The following STT3B variants were observed in gnomAD, a reference collection of about 807,000 sequenced individuals.
STT3B encodes the protein dolichyl-diphosphooligosaccharide--protein glycosyltransferase subunit STT3B.
STT3B carries 29 observed loss-of-function variants against 96.8 expected under a neutral mutation model. The observed-to-expected ratio is 0.30, with a 90% CI of 0.22 to 0.41. The LOEUF is 0.41. Ranked by LOEUF, STT3B falls within the 10% of genes least tolerant of loss-of-function variation. STT3B has a pLI of 1.00. For synonymous variants in STT3B, 367 were observed against 360.0 expected, an observed-to-expected ratio of 1.02 and a Z score of -0.22; for missense variants, 640 against 1,022.3, an observed-to-expected ratio of 0.63 and a Z score of 5.10.
At chr3:31,559,146 G>GGTGTGTGTGT (rs55707310) in intron 1 of STT3B, among the ~76,000 whole-genome samples, 53 of 116,528 alleles carry the variant, frequency 4.5e-4, no homozygotes, top group African/African-American at 9.9e-4. Context: ...TGATTCTTGG[G>GGTGTGTGTGT]GTGTGTGTGT....
intron 5 of STT3B, among the ~76,000 whole-genome samples, chr3:31,610,774 A>G (rs1699163849): frequency 6.6e-6 from 1 of 152,194 alleles, no homozygotes; most frequent in Non-Finnish European, 1.5e-5. Context: ...GAATAAACAG[A>G]ATAATAATAT....
intron 3 of STT3B, 86 bp from the exon 4 acceptor site, chr3:31,596,712 C>A: frequency 1.0e-6 from 1 of 1,002,890 alleles, no homozygotes; most frequent in Non-Finnish European, 1.6e-6. Context: ...TTTTTGTAGC[C>A]TGTGGTTACC....
intron 12 of STT3B, 80 bp downstream of exon 12, chr3:31,625,165 A>ATT (rs1699509274): frequency 1.6e-6 from 2 of 1,289,102 alleles, no homozygotes; most frequent in Non-Finnish European, 2.1e-6. Context: ...CTAAATAGGA[A>ATT]AAATGTGGGT....
At chr3:31,604,283 G>A (rs9877672) in intron 5 of STT3B, among the ~76,000 whole-genome samples, 14,797 of 151,970 alleles carry the variant, frequency 0.097, 778 homozygotes, top group South Asian at 0.12. Flanking sequence ...TATATATTTT[G>A]TGAATAAAGA....
At chr3:31,561,110 A>G (rs921433438) in intron 1 of STT3B, among the ~76,000 whole-genome samples, 3 of 151,644 alleles carry the variant, frequency 2.0e-5, no homozygotes, top group Non-Finnish European at 2.9e-5. Context: ...CTTTTTTATG[A>G]TATCTACCTC....
At chr3:31,607,206 T>G (rs1411784877) in intron 5 of STT3B, among the ~76,000 whole-genome samples, 1 of 152,130 alleles carries the variant, frequency 6.6e-6, no homozygotes, top group East Asian at 1.9e-4. Context: ...GACTGTGGGT[T>G]TTTGTGTTAA....
At chr3:31,570,770 A>G (rs1698116847) in intron 1 of STT3B, among the ~76,000 whole-genome samples, 1 of 152,170 alleles carries the variant, frequency 6.6e-6, no homozygotes, top group Non-Finnish European at 1.5e-5. Context: ...GAAGATTTGT[A>G]GTCAAGGAGC....
intron 3 of STT3B, among the ~76,000 whole-genome samples, chr3:31,585,704 T>C (rs1035519082): frequency 3.3e-5 from 5 of 152,066 alleles, no homozygotes; most frequent in Non-Finnish European, 5.9e-5. Context: ...TGGGAGTTTC[T>C]TTTTTAGAAT....
At chr3:31,621,412 CTT>C (rs1345885630) in intron 9 of STT3B, among the ~76,000 whole-genome samples, 16 of 152,192 alleles carry the variant, frequency 1.1e-4, no homozygotes, top group East Asian at 9.6e-4. Context: ...GAGATACACA[CTT>C]AAGAATATGA....
chr3:31,581,236 T>G (rs913806046), intron 3 of STT3B, among the ~76,000 whole-genome samples: 1 of 151,762 alleles, frequency 6.6e-6, no homozygotes, highest in African/African-American at 2.4e-5. Flanking sequence ...TTCCTGAGGG[T>G]GGGTGGGTGA....
chr3:31,623,894 A>C, intron 11 of STT3B, 33 bp downstream of exon 11: 1 of 1,486,878 alleles, frequency 6.7e-7, no homozygotes, highest in Non-Finnish European at 9.2e-7. Context: ...AAAACATTTT[A>C]TACTTACACT....
chr3:31,540,668 ATGT>A (rs1445384222), intron 1 of STT3B, among the ~76,000 whole-genome samples: 1 of 152,150 alleles, frequency 6.6e-6, no homozygotes, highest in Non-Finnish European at 1.5e-5. Context: ...TAGATAGATA[ATGT>A]TGTAGCGTAT....
intron 1 of STT3B, among the ~76,000 whole-genome samples, chr3:31,533,938 G>A (rs1044754351): frequency 6.6e-6 from 1 of 152,186 alleles, no homozygotes; most frequent in Non-Finnish European, 1.5e-5. Context: ...GCGTGTTGGA[G>A]GGAAGGAAAT....
Position 31,615,173 on chromosome 3 carries a change from A to G in STT3B, c.946A>G (p.Ile316Val), listed in dbSNP as rs138705864. The change falls in exon 6 of 16, where the codon ATC becomes GTC. Residue 316 changes from isoleucine (I) to valine (V), a missense_variant. Coordinates refer to ENST00000295770, the MANE Select transcript of STT3B (RefSeq NM_178862.3). ...MQIPFVGFQP[I>V]RTSEHMAAAG... ...GATACCTTTTGTGGGATTCCAGCCA[A>G]TCAGAACAAGTGAACACATGGCAGC... 26 of 1,611,092 alleles carry G rather than the reference A, an allele frequency of 1.6e-5. No homozygotes were observed. The highest frequency in any genetic ancestry group is 2.0e-5 in the Non-Finnish European group (24 of 1,177,948).
chr3:31,580,226 A>C, intron 3 of STT3B, 130 bp downstream of exon 3: 3 of 821,724 alleles, frequency 3.7e-6, no homozygotes, highest in Non-Finnish European at 5.7e-6. Flanking sequence ...ACTGTTCATA[A>C]TCAATTTAAT....
chr3:31,577,283 T>G (rs563399515), intron 2 of STT3B, among the ~76,000 whole-genome samples: 1 of 152,202 alleles, frequency 6.6e-6, no homozygotes, highest in African/African-American at 2.4e-5. Context: ...TCTCAGTAAT[T>G]TTCAACTTTT....
chr3:31,539,524 C>T (rs1335777085), intron 1 of STT3B, among the ~76,000 whole-genome samples: 1 of 152,136 alleles, frequency 6.6e-6, no homozygotes, highest in African/African-American at 2.4e-5. Flanking sequence ...CCTCCAGGGC[C>T]AGCTTAAATA....
chr3:31,634,205 A>T (rs188717608), intron 15 of STT3B, among the ~76,000 whole-genome samples: 3 of 152,332 alleles, frequency 2.0e-5, no homozygotes, highest in Admixed American at 1.3e-4. Context: ...AAATAACATT[A>T]AAAAATCAGA....
At chr3:31,576,624 G>T in intron 2 of STT3B, 120 bp downstream of exon 2, 3 of 527,486 alleles carry the variant, frequency 5.7e-6, no homozygotes, top group South Asian at 3.6e-5. Flanking sequence ...ATTTTTCTGT[G>T]GCTTATTATC....
Sources: allele counts gnomAD v4.1 joint callset (sites outside exome capture counted in the v4.1 genomes callset), GRCh38; gene constraint gnomAD v4.1.1; transcripts MANE v1.5; gene names NCBI Gene and HGNC (gene_info 2026-07-23, HGNC 2026-07-21).